CCSER1: variants seen among roughly 807,000 people sequenced by gnomAD.
CCSER1 encodes the protein coiled-coil serine rich protein 1, also known as serine-rich coiled-coil domain-containing protein 1.
CCSER1 carries 41 observed loss-of-function variants against 82.0 expected under a neutral mutation model. The ratio of observed to expected loss-of-function variants is 0.50; its 90% CI spans 0.39 to 0.65. CCSER1 has a LOEUF of 0.65. Among genes scored for constraint, CCSER1 ranks in the 30% least tolerant of loss-of-function variants. CCSER1 has a pLI of 0.00. For missense variants in CCSER1, 1,119 were observed against 1,064.2 expected, an observed-to-expected ratio of 1.05 and a Z score of -0.72; for synonymous variants, 414 against 383.9, an observed-to-expected ratio of 1.08 and a Z score of -0.92.
intron 9 of CCSER1, among the ~76,000 whole-genome samples, chr4:91,037,917 A>G (rs1161152177): frequency 2.0e-5 from 3 of 152,192 alleles, no homozygotes; most frequent in African/African-American, 7.2e-5. Flanking sequence ...ATCTCTGGAT[A>G]GTAAAAATAT....
Position 91,355,507 on chromosome 4 carries a change from G to C in CCSER1, c.2218-243065G>C, listed in dbSNP as rs561339526. On this transcript the variant is annotated intron_variant, in intron 10 of 10. Coordinates refer to ENST00000509176, the MANE Select transcript of CCSER1 (RefSeq NM_001145065.2). ...ACAAACGAGTTTCTTTTAGAGTCCT[G>C]GTACACTTATAATAACCATAAAATA... Among the ~76,000 whole-genome samples the C allele has an allele frequency of 1.4e-4, 22 of 152,124 alleles. 1 individual carries two copies. The South Asian group carries it at 4.6e-3, about 32-fold the overall frequency.
intron 1 of CCSER1, among the ~76,000 whole-genome samples, chr4:90,299,552 A>T (rs1732691847): frequency 6.6e-6 from 1 of 152,076 alleles, no homozygotes; most frequent in Non-Finnish European, 1.5e-5. Flanking sequence ...GGTCCAGATT[A>T]GCCATCCTTT....
chr4:90,128,547 T>C (rs1391401805), intron 1 of CCSER1, among the ~76,000 whole-genome samples: 1 of 151,820 alleles, frequency 6.6e-6, no homozygotes, highest in Non-Finnish European at 1.5e-5. Flanking sequence ...GACTAACCAG[T>C]GGGTTGGTTC....
chr4:91,411,503 T>TATATATACATATATATATATATAC (rs1753031761), intron 10 of CCSER1, among the ~76,000 whole-genome samples: 1 of 63,240 alleles, frequency 1.6e-5, no homozygotes, highest in African/African-American at 5.5e-5. Context: ...TATATATATA[T>TATATATACATATATATATATATAC]ATATATATAT....
chr4:90,633,321 G>C (rs1428127923), intron 6 of CCSER1, among the ~76,000 whole-genome samples: 4 of 151,946 alleles, frequency 2.6e-5, no homozygotes, highest in Non-Finnish European at 5.9e-5. Context: ...CTCTTTAAAA[G>C]AAGTGTACAA....
chr4:91,257,007 A>G (rs967226858), intron 10 of CCSER1, among the ~76,000 whole-genome samples: 1 of 152,172 alleles, frequency 6.6e-6, no homozygotes, highest in Admixed American at 6.6e-5. Flanking sequence ...CTGTCACTTT[A>G]TGAAGACTTG....
intron 10 of CCSER1, among the ~76,000 whole-genome samples, chr4:91,288,807 T>C (rs929323413): frequency 4.6e-5 from 7 of 151,946 alleles, no homozygotes; most frequent in African/African-American, 1.5e-4. Context: ...GATACAAAAA[T>C]ACATGATGGG....
chr4:91,308,393 G>C (rs541451975), intron 10 of CCSER1, among the ~76,000 whole-genome samples: 1 of 151,954 alleles, frequency 6.6e-6, no homozygotes, highest in Non-Finnish European at 1.5e-5. Context: ...AAGTGGAAGC[G>C]TTTGGTGTTA....
chr4:90,989,810 A>G (rs17265766), intron 9 of CCSER1, among the ~76,000 whole-genome samples: 40,677 of 151,576 alleles, frequency 0.27, 6,753 homozygotes, highest in East Asian at 0.39. Flanking sequence ...AGCAAGTCTT[A>G]TATTTGACAG....
At chr4:90,452,896 C>T (rs1330401697) in intron 4 of CCSER1, among the ~76,000 whole-genome samples, 1 of 152,124 alleles carries the variant, frequency 6.6e-6, no homozygotes, top group Non-Finnish European at 1.5e-5. Context: ...CAAGACTAGA[C>T]CTAGGTACTT....
intron 9 of CCSER1, among the ~76,000 whole-genome samples, chr4:90,937,219 G>A (rs1003108989): frequency 6.6e-6 from 1 of 152,242 alleles, no homozygotes; most frequent in Non-Finnish European, 1.5e-5. Flanking sequence ...CAGGGAAGAT[G>A]GTTCTGCCAA....
intron 1 of CCSER1, among the ~76,000 whole-genome samples, chr4:90,146,465 A>G (rs547104394): frequency 6.6e-6 from 1 of 152,176 alleles, no homozygotes; most frequent in South Asian, 2.1e-4. Flanking sequence ...TTAGCCTAGA[A>G]AAACAGCTAC....
intron 5 of CCSER1, among the ~76,000 whole-genome samples, chr4:90,504,928 A>C (rs941243423): frequency 1.1e-4 from 16 of 152,092 alleles, no homozygotes; most frequent in Middle Eastern, 3.2e-3. Context: ...GGGTCCCTGC[A>C]CCAAATGCCA....
chr4:91,500,952 T>C (rs1281771152), intron 10 of CCSER1, among the ~76,000 whole-genome samples: 1 of 151,938 alleles, frequency 6.6e-6, no homozygotes, highest in East Asian at 1.9e-4. Flanking sequence ...GAAGTAATTG[T>C]GAAATTCATT....
intron 7 of CCSER1, among the ~76,000 whole-genome samples, chr4:90,771,512 C>A (rs1283140894): frequency 7.6e-6 from 1 of 132,022 alleles, no homozygotes; most frequent in African/African-American, 2.9e-5. Context: ...AAAGGTATAA[C>A]GTTAAAACCC....
chr4:90,715,331 A>G (rs1312295459), intron 6 of CCSER1, among the ~76,000 whole-genome samples: 1 of 151,974 alleles, frequency 6.6e-6, no homozygotes, highest in Non-Finnish European at 1.5e-5. Flanking sequence ...CTAAGGACCA[A>G]TTTCTGATTT....
intron 1 of CCSER1, among the ~76,000 whole-genome samples, chr4:90,303,507 A>G (rs543861811): frequency 2.0e-5 from 3 of 152,270 alleles, no homozygotes; most frequent in African/African-American, 7.2e-5. Context: ...CATATCTACA[A>G]CTATCTGATC....
chr4:90,926,415 T>G (rs1413484143), intron 9 of CCSER1, among the ~76,000 whole-genome samples: 4 of 152,038 alleles, frequency 2.6e-5, no homozygotes, highest in African/African-American at 4.8e-5. Flanking sequence ...GAATATATGA[T>G]ACTACATGTC....
intron 10 of CCSER1, among the ~76,000 whole-genome samples, chr4:91,305,039 A>C (rs1744943985): frequency 6.6e-6 from 1 of 152,046 alleles, no homozygotes; most frequent in Non-Finnish European, 1.5e-5. Flanking sequence ...AAAACATCTG[A>C]AACCTCAAAC....
Sources: gnomAD v4.1 joint callset for allele counts (sites outside exome capture counted in the v4.1 genomes callset) on GRCh38, gnomAD v4.1.1 for gene constraint, MANE v1.5 for transcripts, NCBI Gene and HGNC (gene_info 2026-07-23, HGNC 2026-07-21) for gene names.